CCDC141: variants seen among roughly 807,000 people sequenced by gnomAD.
CCDC141 encodes coiled-coil domain containing 141, also known as coiled-coil domain-containing protein 141.
A neutral mutation model predicts 181.0 loss-of-function variants in CCDC141; 168 were observed. That is an observed-to-expected ratio of 0.93 (90% CI 0.82 to 1.05). The LOEUF (loss-of-function observed/expected upper bound fraction) is 1.05, where lower values mean the gene tolerates loss of function less well. Among genes scored for constraint, CCDC141 ranks in the 50% least tolerant of loss-of-function variants. CCDC141 has a pLI of 0.00. For synonymous variants in CCDC141, 666 were observed against 642.3 expected (o/e 1.04, Z -0.56); for missense variants, 1,902 against 1,788.5 (o/e 1.06, Z -1.14).
chr2:178,882,557 C>T lies in CCDC141; in HGVS notation c.1719+2344G>A, dbSNP rs564570828. 7.9e-5 allele frequency among the ~76,000 whole-genome samples: 12 copies of T among 152,008 alleles called. No homozygotes were observed. The South Asian group carries it at 2.5e-3, about 32-fold the overall frequency. ...TGAATATGTCAACAAGTTTGGAAGT[C>T]AAGGCCATTATTCTCAATGGCTTCA... On this transcript the variant is annotated intron_variant, in intron 11 of 23. Transcript: ENST00000443758.
chr2:179,023,845 C>T (rs939737909), intron 2 of CCDC141, among the ~76,000 whole-genome samples: 4 of 152,172 alleles, frequency 2.6e-5, no homozygotes, highest in African/African-American at 7.2e-5. Context: ...TCATAGAGGT[C>T]TGGAGAGCTG....
chr2:178,971,780 A>G (rs1000531982), intron 4 of CCDC141, among the ~76,000 whole-genome samples: 1 of 152,198 alleles, frequency 6.6e-6, no homozygotes, highest in African/African-American at 2.4e-5. Context: ...TTGCAGGGAC[A>G]TGGATGAAGC....
intron 17 of CCDC141, among the ~76,000 whole-genome samples, chr2:178,859,763 G>A (rs945599813): frequency 6.6e-6 from 1 of 152,168 alleles, no homozygotes; most frequent in Admixed American, 6.5e-5. Flanking sequence ...GAAATTAGCA[G>A]AATGAGCATC....
intron 7 of CCDC141, among the ~76,000 whole-genome samples, chr2:178,912,307 C>T (rs781177357): frequency 1.4e-4 from 22 of 152,150 alleles, no homozygotes; most frequent in Admixed American, 3.9e-4. Context: ...TACACTCTTA[C>T]GTTAGAAATC....
chr2:179,011,489 C>A (rs1417340567), intron 2 of CCDC141, among the ~76,000 whole-genome samples: 1 of 152,010 alleles, frequency 6.6e-6, no homozygotes, highest in Non-Finnish European at 1.5e-5. Flanking sequence ...ACTAATAGAC[C>A]TAAAAAATGT....
intron 22 of CCDC141, among the ~76,000 whole-genome samples, chr2:178,838,960 T>G (rs762845162): frequency 1.1e-4 from 17 of 152,360 alleles, no homozygotes; most frequent in Admixed American, 2.0e-4. Context: ...ATCTCCTTTC[T>G]GTGCCGTTCC....
intron 5 of CCDC141, 26 bp downstream of exon 5, chr2:178,961,204 C>T (rs928190485): frequency 6.5e-7 from 1 of 1,547,200 alleles, no homozygotes. Flanking sequence ...GAGGCTGGAA[C>T]ATCATCCAAT....
chr2:178,890,887 C>T (rs1687116049), intron 8 of CCDC141, among the ~76,000 whole-genome samples: 1 of 151,026 alleles, frequency 6.6e-6, no homozygotes, highest in Admixed American at 6.8e-5. Context: ...AACAGACATG[C>T]CACTTTGTTA....
chr2:178,838,286 C>T lies in CCDC141; in HGVS notation c.3475-542G>A, dbSNP rs113265726. Among the ~76,000 whole-genome samples the T allele has an allele frequency of 1.8e-4, 27 of 152,328 alleles. 1 individual carries two copies. The highest frequency in any genetic ancestry group is 4.3e-4 in the African/African-American group (18 of 41,570). ...ACCACTTCAACCATGTTTAAGTGTACGGCTCAGTGGCATTAAGTGCATTCA... is the reference window on the plus strand; with the variant it reads ...ACCACTTCAACCATGTTTAAGTGTATGGCTCAGTGGCATTAAGTGCATTCA... On this transcript the variant is annotated intron_variant, in intron 22 of 23. Coordinates refer to ENST00000443758, the MANE Select transcript of CCDC141 (RefSeq NM_173648.4).
intron 4 of CCDC141, 105 bp downstream of exon 4, chr2:178,974,952 A>C (rs2154380363): frequency 1.9e-6 from 1 of 523,292 alleles, no homozygotes; most frequent in East Asian, 3.0e-5. Flanking sequence ...GCTGAGGTAA[A>C]CATAAATAGA....
chr2:178,868,085 G>C lies in CCDC141; in HGVS notation c.2515C>G (p.His839Asp). 1 of 1,613,970 alleles carries C rather than the reference G, an allele frequency of 6.2e-7. No individual in the cohort carries two copies. Among genetic ancestry groups the C allele is most frequent in the Non-Finnish European group, 8.5e-7 (1 of 1,179,930 alleles). The change falls in exon 16 of 24, where the codon CAT (histidine) becomes GAT (aspartate). Residue 839 changes from histidine (H) to aspartate (D), a missense_variant. His to Asp is a moderately conservative substitution (Grantham distance 81). Coordinates refer to ENST00000443758, the MANE Select transcript of CCDC141 (RefSeq NM_173648.4). ...CSQEKQARVD[H>D]LHRLALSLGV... ...AAGGAAAGGGCCAGTCTGTGGAGAT[G>C]GTCTACACGGGCTTGCTTTTCCTGA...
chr2:178,901,404 C>A (rs931500176), intron 8 of CCDC141, among the ~76,000 whole-genome samples: 5 of 151,888 alleles, frequency 3.3e-5, no homozygotes, highest in Non-Finnish European at 5.9e-5. Flanking sequence ...AAAGCTTATC[C>A]ACCATGATCA....
At chr2:178,840,280 A>G (rs1427973402) in intron 22 of CCDC141, among the ~76,000 whole-genome samples, 1 of 152,216 alleles carries the variant, frequency 6.6e-6, no homozygotes, top group Non-Finnish European at 1.5e-5. Flanking sequence ...AAGATCCTTC[A>G]TAGAAGAGCA....
chr2:178,961,258 A>C lies in CCDC141; in HGVS notation c.752T>G (p.Ile251Arg). The change falls in exon 5 of 24, where the codon ATA (isoleucine) becomes AGA (arginine). Residue 251 changes from isoleucine to arginine, a missense_variant. Transcript: ENST00000443758. ...QWQELSQVLQICQWDQQENQV... is the reference protein window; with the variant it reads ...QWQELSQVLQRCQWDQQENQV... ...GTTTTCTTGTTGGTCCCACTGACAT[A>C]TCTGCAGAACTTGACTCAATTCTTG... 2 of 1,550,418 alleles carry C rather than the reference A, an allele frequency of 1.3e-6. No individual in the cohort carries two copies. The highest frequency in any genetic ancestry group is 1.7e-6 in the Non-Finnish European group (2 of 1,146,854).
chr2:179,017,073 A>G (rs1575352546), intron 2 of CCDC141, among the ~76,000 whole-genome samples: 1 of 152,208 alleles, frequency 6.6e-6, no homozygotes, highest in African/African-American at 2.4e-5. Flanking sequence ...TTATTTTCAT[A>G]CAGCACGAAT....
rs535223513 is a variant in CCDC141, at chr2:179,046,919, C to T, written c.225+365G>A. Among the ~76,000 whole-genome samples the T allele has an allele frequency of 3.4e-4, 51 of 152,158 alleles. 1 individual carries two copies. The highest frequency in any genetic ancestry group is 1.2e-3 in the African/African-American group (51 of 41,514). On this transcript the variant is annotated intron_variant, in intron 2 of 23. Transcript: ENST00000443758. ...GAAAAGTCTTCTAAATTATTTTTACCAGCAGGTATCATTAACAATAGAAAT... is the reference window on the plus strand; with the variant it reads ...GAAAAGTCTTCTAAATTATTTTTACTAGCAGGTATCATTAACAATAGAAAT...
intron 5 of CCDC141, among the ~76,000 whole-genome samples, chr2:178,946,679 T>G (rs989924559): frequency 6.6e-6 from 1 of 152,190 alleles, no homozygotes; most frequent in African/African-American, 2.4e-5. Context: ...AGACTTGTCA[T>G]CTAACACATG....
At position 178,837,204 on chromosome 2, in the gene CCDC141, G is replaced by C. The variant is rs765953941; in HGVS notation, c.4015C>G (p.Gln1339Glu). 1 of 1,613,880 alleles carries C rather than the reference G, an allele frequency of 6.2e-7. No homozygotes were observed. The highest frequency in any genetic ancestry group is 1.1e-5 in the South Asian group (1 of 91,054). ...ERALQQHPQA[Q>E]GGLLETREKM... ...TCCCGTGTTTCTAGCAAACCACCCTGAGCCTGAGGGTGCTGCTGTAAAGCT... is the reference window on the plus strand; with the variant it reads ...TCCCGTGTTTCTAGCAAACCACCCTCAGCCTGAGGGTGCTGCTGTAAAGCT... The change falls in exon 23 of 24, where the codon CAG becomes GAG. Residue 1339 changes from glutamine to glutamate, a missense_variant. Gln to Glu is a conservative substitution (Grantham distance 29, BLOSUM62 2). Transcript: ENST00000443758.
At chr2:178,873,004 A>G (rs936791877) in intron 12 of CCDC141, 3 of 152,202 alleles carry the variant, frequency 2.0e-5, no homozygotes, top group Non-Finnish European at 4.4e-5. Flanking sequence ...AGGTAAAATG[A>G]TAATAAGAGC....
Sources: gnomAD v4.1 joint callset for allele counts (sites outside exome capture counted in the v4.1 genomes callset) on GRCh38, gnomAD v4.1.1 for gene constraint, MANE v1.5 for transcripts, NCBI Gene and HGNC (gene_info 2026-07-23, HGNC 2026-07-21) for gene names.